ADGRL3: variants seen among roughly 807,000 people sequenced by gnomAD.
The protein encoded by ADGRL3 is adhesion G protein-coupled receptor L3, also known as calcium-independent alpha-latrotoxin receptor 3.
A neutral mutation model predicts 153.5 loss-of-function variants in ADGRL3; 62 were observed. The ratio of observed to expected loss-of-function variants is 0.40; its 90% CI spans 0.33 to 0.50. The LOEUF (loss-of-function observed/expected upper bound fraction) is 0.50, where lower values mean the gene tolerates loss of function less well. ADGRL3 is among the 20% of genes least tolerant of loss of function. ADGRL3 has a pLI of 0.47. For missense variants in ADGRL3, 1,641 were observed against 1,859.4 expected (o/e 0.88, Z 2.16); for synonymous variants, 710 against 672.5 (o/e 1.06, Z -0.86).
chr4:61,968,359 G>A (rs2099014388), intron 17 of ADGRL3, among the ~76,000 whole-genome samples: 1 of 151,818 alleles, frequency 6.6e-6, no homozygotes, highest in Admixed American at 6.6e-5. Flanking sequence ...CCTTTTTCTA[G>A]GTTTCTTACA....
In ADGRL3 at chr4:61,826,681, A is replaced by T. The variant is rs550005014; in HGVS notation, c.1480+12792A>T. On this transcript the variant is annotated intron_variant, in intron 9 of 26. Transcript: ENST00000683033. The stretch of plus-strand genomic sequence containing the variant: ...TACATACTATGGTTTCAATTTTTAA[A>T]AATGACTGTAGCTACACGGTGGAGA... Among the ~76,000 whole-genome samples the T allele has an allele frequency of 3.9e-5, 6 of 152,268 alleles. No homozygotes were observed. In the South Asian group the frequency reaches 8.3e-4, roughly 21 times the overall value.
chr4:61,828,058 T>C (rs1400859866), intron 9 of ADGRL3, among the ~76,000 whole-genome samples: 1 of 152,208 alleles, frequency 6.6e-6, no homozygotes, highest in African/African-American at 2.4e-5. Flanking sequence ...ATAAAGATCT[T>C]TCCTGGAAGT....
chr4:61,742,295 T>G (rs1468170460), intron 8 of ADGRL3, among the ~76,000 whole-genome samples: 2 of 152,120 alleles, frequency 1.3e-5, no homozygotes, highest in Non-Finnish European at 2.9e-5. Flanking sequence ...TTATTATTTT[T>G]TGAGATGGAG....
At chr4:61,658,959 G>T (rs2150532828) in intron 5 of ADGRL3, among the ~76,000 whole-genome samples, 1 of 152,282 alleles carries the variant, frequency 6.6e-6, no homozygotes, top group Non-Finnish European at 1.5e-5. Flanking sequence ...GGCTAGAAGT[G>T]CTAAGGTATC....
At chr4:62,057,706 C>T (rs1165175414) in intron 25 of ADGRL3, among the ~76,000 whole-genome samples, 1 of 152,138 alleles carries the variant, frequency 6.6e-6, no homozygotes, top group Non-Finnish European at 1.5e-5. Flanking sequence ...GAGACAGGGT[C>T]TTGCTCTGTC....
intron 5 of ADGRL3, among the ~76,000 whole-genome samples, chr4:61,631,706 G>A (rs1283466811): frequency 2.0e-5 from 3 of 152,056 alleles, no homozygotes; most frequent in African/African-American, 7.2e-5. Context: ...AAGAAAATGA[G>A]TTTAATTAAA....
At chr4:61,659,144 T>G (rs1185310469) in intron 5 of ADGRL3, among the ~76,000 whole-genome samples, 1 of 152,108 alleles carries the variant, frequency 6.6e-6, no homozygotes, top group African/African-American at 2.4e-5. Flanking sequence ...CATCCAAATT[T>G]CCCTCTTCTT....
intron 17 of ADGRL3, among the ~76,000 whole-genome samples, chr4:61,956,053 G>C (rs766458019): frequency 2.0e-5 from 3 of 152,172 alleles, no homozygotes; most frequent in Non-Finnish European, 2.9e-5. Flanking sequence ...TATATACCCA[G>C]TAATGGGATT....
At chr4:61,378,650 T>C (rs1336320916) in intron 1 of ADGRL3, among the ~76,000 whole-genome samples, 1 of 151,992 alleles carries the variant, frequency 6.6e-6, no homozygotes, top group Non-Finnish European at 1.5e-5. Context: ...GGAATTCTAT[T>C]TGGAGTAGGG....
chr4:61,224,142 G>C (rs1462083234), intron 1 of ADGRL3, among the ~76,000 whole-genome samples: 1 of 151,992 alleles, frequency 6.6e-6, no homozygotes, highest in Admixed American at 6.6e-5. Flanking sequence ...AATCAGATTT[G>C]ATGAAAATTT....
At chr4:61,347,338 C>CTA (rs2095940259) in intron 1 of ADGRL3, among the ~76,000 whole-genome samples, 1 of 150,818 alleles carries the variant, frequency 6.6e-6, no homozygotes, top group East Asian at 1.9e-4. Context: ...GTTCCTAGAG[C>CTA]TATAGGAAGG....
chr4:61,204,209 A>C (rs1736109714), intron 1 of ADGRL3, among the ~76,000 whole-genome samples: 1 of 152,178 alleles, frequency 6.6e-6, no homozygotes. Context: ...AAAAGCATAG[A>C]TTGCAAAAGA....
At chr4:62,068,356 T>A (rs1173677086) in intron 26 of ADGRL3, 173 bp downstream of exon 26, 1 of 417,332 alleles carries the variant, frequency 2.4e-6, no homozygotes, top group Admixed American at 4.4e-5. Context: ...TAGACGCTTT[T>A]GTTGTCTGAT....
chr4:61,302,959 C>A (rs1206173277), intron 1 of ADGRL3, among the ~76,000 whole-genome samples: 1 of 152,094 alleles, frequency 6.6e-6, no homozygotes, highest in Admixed American at 6.6e-5. Flanking sequence ...CCTCATCGGG[C>A]TTGGCTTCAA....
intron 21 of ADGRL3, among the ~76,000 whole-genome samples, chr4:62,011,570 G>T (rs1388644303): frequency 6.6e-6 from 1 of 152,098 alleles, no homozygotes; most frequent in African/African-American, 2.4e-5. Context: ...GAGGAGAAGG[G>T]TGAGGGGAAC....
intron 4 of ADGRL3, among the ~76,000 whole-genome samples, chr4:61,519,996 A>G (rs936373098): frequency 1.3e-5 from 2 of 152,220 alleles, no homozygotes; most frequent in Admixed American, 6.5e-5. Context: ...AGCAGCCATA[A>G]CAACATAACA....
chr4:61,276,443 T>C (rs1047250547), intron 1 of ADGRL3, among the ~76,000 whole-genome samples: 9 of 152,204 alleles, frequency 5.9e-5, no homozygotes, highest in Non-Finnish European at 1.3e-4. Flanking sequence ...TATATATGAA[T>C]TTAGTGAATT....
intron 17 of ADGRL3, among the ~76,000 whole-genome samples, chr4:61,962,410 G>C (rs2098991422): frequency 6.6e-6 from 1 of 152,066 alleles, no homozygotes; most frequent in Admixed American, 6.5e-5. Context: ...GTTGTCCCAA[G>C]AGAGTCATTG....
At chr4:61,682,487 A>G (rs1012385211) in intron 6 of ADGRL3, among the ~76,000 whole-genome samples, 8 of 152,020 alleles carry the variant, frequency 5.3e-5, no homozygotes, top group Non-Finnish European at 4.4e-5. Context: ...TTGCATATTC[A>G]TATATTTTGC....
Sources: allele counts gnomAD v4.1 joint callset (sites outside exome capture counted in the v4.1 genomes callset), GRCh38; gene constraint gnomAD v4.1.1; transcripts MANE v1.5; gene names NCBI Gene and HGNC (gene_info 2026-07-23, HGNC 2026-07-21).